The following ZNF536 variants were observed in gnomAD, a reference collection of about 807,000 sequenced individuals.
ZNF536 encodes the protein zinc finger protein 536.
In ZNF536, 13 loss-of-function variants were observed where a neutral mutation model predicts 84.5. The ratio of observed to expected loss-of-function variants is 0.15; its 90% CI spans 0.10 to 0.24. The LOEUF (loss-of-function observed/expected upper bound fraction) is 0.24. Ranked by LOEUF, ZNF536 falls within the 10% of genes least tolerant of loss-of-function variation. The pLI, the probability that ZNF536 is intolerant of heterozygous loss-of-function variation, is 1.00. For missense variants in ZNF536, 1,536 were observed against 1,747.5 expected (o/e 0.88, Z 2.16); for synonymous variants, 811 against 742.5 (o/e 1.09, Z -1.50).
chr19:30,344,098 C>A (rs948888061), intron 2 of ZNF536, among the ~76,000 whole-genome samples: 1 of 151,634 alleles, frequency 6.6e-6, no homozygotes, highest in Non-Finnish European at 1.5e-5. Context: ...GTTTCAGGGG[C>A]ACCCCTGTTT....
intron 1 of ZNF536, among the ~76,000 whole-genome samples, chr19:30,260,878 CT>C (rs1317599652): frequency 3.3e-5 from 5 of 152,248 alleles, no homozygotes; most frequent in African/African-American, 7.2e-5. Flanking sequence ...TTCAGACCCC[CT>C]GGCCCATCCC....
At chr19:30,260,137 A>G (rs1469393971) in intron 1 of ZNF536, among the ~76,000 whole-genome samples, 1 of 152,200 alleles carries the variant, frequency 6.6e-6, no homozygotes, top group African/African-American at 2.4e-5. Context: ...CCAGTTGATC[A>G]TTAGAATCTT....
chr19:30,256,043 C>T lies in ZNF536; in HGVS notation c.-190+27370C>T, dbSNP rs144131483. Among the ~76,000 whole-genome samples the T allele has an allele frequency of 3.7e-3, 563 of 152,314 alleles. 5 individuals carry two copies. Among genetic ancestry groups the T allele is most frequent in the African/African-American group, 0.012 (510 of 41,578 alleles). On this transcript the variant is annotated intron_variant, in intron 1 of 5. Transcript: ENST00000585628. Reference sequence around the variant, plus strand: ...GGCGGCAGCCTCTGTGGCTCCCTTGCTGTTCCTTCCAGACCTGTGTCTTTA... The same window carrying T: ...GGCGGCAGCCTCTGTGGCTCCCTTGTTGTTCCTTCCAGACCTGTGTCTTTA...
intron 2 of ZNF536, among the ~76,000 whole-genome samples, chr19:30,291,706 G>A (rs555679234): frequency 8.5e-5 from 13 of 152,258 alleles, no homozygotes; most frequent in South Asian, 4.1e-4. Context: ...TGCCAGCAGC[G>A]TGCCAGGCCT....
chr19:30,300,415 T>C (rs901757797), intron 2 of ZNF536: 5 of 152,160 alleles, frequency 3.3e-5, no homozygotes, highest in Non-Finnish European at 7.3e-5. Flanking sequence ...GTTTCTTTTG[T>C]CTTGTCACAG....
chr19:30,400,419 C>A (rs943880445), intron 1 of ZNF536, among the ~76,000 whole-genome samples: 4 of 152,138 alleles, frequency 2.6e-5, no homozygotes, highest in Non-Finnish European at 4.4e-5. Flanking sequence ...AGAATTTTAA[C>A]TGTTTTAATC....
chr19:30,241,369 G>A (rs1312274664), intron 1 of ZNF536, among the ~76,000 whole-genome samples: 5 of 152,164 alleles, frequency 3.3e-5, no homozygotes, highest in Non-Finnish European at 7.3e-5. Flanking sequence ...TATATCAGAT[G>A]GTGACATGTG....
intron 1 of ZNF536, among the ~76,000 whole-genome samples, chr19:30,404,601 C>T (rs2050189359): frequency 6.6e-6 from 1 of 152,120 alleles, no homozygotes; most frequent in Non-Finnish European, 1.5e-5. Context: ...GACTGAGTGC[C>T]CAGGAAGTAC....
chr19:30,581,401 C>T (rs555249296), intron 1 of ZNF536, among the ~76,000 whole-genome samples: 4 of 152,134 alleles, frequency 2.6e-5, no homozygotes, highest in South Asian at 2.1e-4. Context: ...CACTTGAACC[C>T]GGGAGGTCGA....
chr19:30,462,559 G>A (rs906504134), intron 2 of ZNF536, among the ~76,000 whole-genome samples: 1 of 151,892 alleles, frequency 6.6e-6, no homozygotes, highest in Non-Finnish European at 1.5e-5. Flanking sequence ...GTGTATTGAT[G>A]TGTGCACAGG....
chr19:30,505,480 AT>A, intron 2 of ZNF536, among the ~76,000 whole-genome samples: 1 of 148,774 alleles, frequency 6.7e-6, no homozygotes, highest in South Asian at 2.1e-4. Context: ...AATCTATATT[AT>A]TAATCTATAT....
intron 1 of ZNF536, among the ~76,000 whole-genome samples, chr19:30,259,319 A>G (rs192171754): frequency 6.6e-6 from 1 of 152,334 alleles, no homozygotes; most frequent in East Asian, 1.9e-4. Flanking sequence ...AAAGGGATAC[A>G]TCAGGGAGCA....
intron 2 of ZNF536, among the ~76,000 whole-genome samples, chr19:30,477,657 G>GT (rs2053907411): frequency 6.6e-6 from 1 of 152,192 alleles, no homozygotes; most frequent in Non-Finnish European, 1.5e-5. Flanking sequence ...GACAGGGGCT[G>GT]TGTCTGTCCC....
chr19:30,433,915 C>T (rs368680349), intron 1 of ZNF536, among the ~76,000 whole-genome samples: 15 of 151,832 alleles, frequency 9.9e-5, no homozygotes, highest in African/African-American at 2.2e-4. Flanking sequence ...CTAACTGCTG[C>T]GGTCAGCATC....
At chr19:30,402,809 A>ATATATATATATATATG (rs2050106090) in intron 1 of ZNF536, among the ~76,000 whole-genome samples, 2 of 140,256 alleles carry the variant, frequency 1.4e-5, no homozygotes, top group Non-Finnish European at 3.1e-5. Flanking sequence ...ATATATATAT[A>ATATATATATATATATG]TATATATATA....
chr19:30,458,534 C>T (rs1241422155), intron 2 of ZNF536, among the ~76,000 whole-genome samples: 2 of 145,478 alleles, frequency 1.4e-5, no homozygotes, highest in East Asian at 4.1e-4. Flanking sequence ...TTCACTGCAA[C>T]CTCCACCTCC....
chr19:30,475,936 C>T (rs1263942191), intron 2 of ZNF536, among the ~76,000 whole-genome samples: 1 of 152,202 alleles, frequency 6.6e-6, no homozygotes, highest in Non-Finnish European at 1.5e-5. Context: ...CACCCAGGAA[C>T]TTGTCACTGT....
intron 1 of ZNF536, among the ~76,000 whole-genome samples, chr19:30,261,297 CAAAA>C (rs66862950): frequency 1.3e-4 from 3 of 23,580 alleles, no homozygotes; most frequent in Non-Finnish European, 2.5e-4. Flanking sequence ...GACTCCGTCT[CAAAA>C]AAAAAAAAAA....
chr19:30,413,937 C>CA (rs2050602961), intron 1 of ZNF536, among the ~76,000 whole-genome samples: 2 of 151,622 alleles, frequency 1.3e-5, no homozygotes, highest in South Asian at 4.2e-4. Context: ...ACTAAAAATA[C>CA]AAAAAATTAG....
Sources: gnomAD v4.1 joint callset for allele counts (sites outside exome capture counted in the v4.1 genomes callset) on GRCh38, gnomAD v4.1.1 for gene constraint, MANE v1.5 for transcripts, NCBI Gene and HGNC (gene_info 2026-07-23, HGNC 2026-07-21) for gene names.